The following ADD3 variants were observed in gnomAD, a reference collection of about 807,000 sequenced individuals.
ADD3 encodes the protein adducin 3.
A neutral mutation model predicts 80.2 loss-of-function variants in ADD3; 25 were observed. The ratio of observed to expected loss-of-function variants is 0.31; its 90% CI spans 0.23 to 0.44. ADD3 has a LOEUF of 0.44. Ranked by LOEUF, ADD3 falls within the 20% of genes least tolerant of loss-of-function variation. The pLI, the probability that ADD3 is intolerant of heterozygous loss-of-function variation, is 1.00. For missense variants in ADD3, 829 were observed against 847.5 expected (o/e 0.98, Z 0.27); for synonymous variants, 284 against 289.6 (o/e 0.98, Z 0.20).
intron 10 of ADD3, among the ~76,000 whole-genome samples, chr10:110,124,972 T>C (rs552769464): frequency 2.6e-5 from 4 of 152,182 alleles, no homozygotes; most frequent in Non-Finnish European, 5.9e-5. Flanking sequence ...TTGGTGTATT[T>C]TATATGTGGC....
chr10:110,078,069 C>A (rs1206450450), intron 1 of ADD3, among the ~76,000 whole-genome samples: 1 of 152,164 alleles, frequency 6.6e-6, no homozygotes, highest in Admixed American at 6.5e-5. Flanking sequence ...ATTGTGTCAT[C>A]CTTTTTGAAC....
intron 11 of ADD3, 25 bp from the exon 12 acceptor site, chr10:110,126,392 T>C (rs1852163525): frequency 1.3e-6 from 2 of 1,590,198 alleles, no homozygotes; most frequent in South Asian, 1.1e-5. Context: ...TCAAGAACTT[T>C]ATATTGAATT....
At chr10:110,046,377 A>T (rs1205274398) in intron 1 of ADD3, among the ~76,000 whole-genome samples, 1 of 151,808 alleles carries the variant, frequency 6.6e-6, no homozygotes, top group East Asian at 1.9e-4. Context: ...TCCAGTCAAT[A>T]GTAGGCTATT....
In ADD3 at chr10:110,084,761, G is replaced by T. The variant is rs1318448493; in HGVS notation, c.-29-15864G>T. On this transcript the variant is annotated intron_variant, in intron 1 of 14. Coordinates refer to ENST00000356080, the MANE Select transcript of ADD3 (RefSeq NM_016824.5). ...GGGAAAACAACTCCTCTTGTTGGAA[G>T]AGTTCTTATTTATATTTACAAAGCA... Among the ~76,000 whole-genome samples the T allele has an allele frequency of 1.3e-5, 2 of 152,158 alleles. 1 individual carries two copies. Among genetic ancestry groups the T allele is most frequent in the Admixed American group, 1.3e-4 (2 of 15,278 alleles).
intron 1 of ADD3, among the ~76,000 whole-genome samples, chr10:110,044,854 ATG>A (rs1356295106): frequency 6.6e-6 from 1 of 152,228 alleles, no homozygotes; most frequent in Admixed American, 6.5e-5. Flanking sequence ...TAGTAAAACT[ATG>A]TGTATAACTA....
intron 1 of ADD3, among the ~76,000 whole-genome samples, chr10:110,013,503 T>C (rs1852571336): frequency 6.6e-6 from 1 of 152,092 alleles, no homozygotes; most frequent in Admixed American, 6.6e-5. Flanking sequence ...AGCTAGGAGG[T>C]AAAAACACTT....
chr10:110,112,640 T>G, intron 2 of ADD3, 137 bp from the exon 3 acceptor site: 1 of 999,846 alleles, frequency 1.0e-6, no homozygotes, highest in Non-Finnish European at 1.4e-6. Flanking sequence ...TATTATTTTG[T>G]GTTTTATATT....
At chr10:110,017,745 G>A (rs1488284466) in intron 1 of ADD3, among the ~76,000 whole-genome samples, 1 of 152,120 alleles carries the variant, frequency 6.6e-6, no homozygotes, top group African/African-American at 2.4e-5. Context: ...AGTACGTTCT[G>A]TATACTGAAT....
At chr10:110,088,272 A>G (rs529378039) in intron 1 of ADD3, among the ~76,000 whole-genome samples, 18 of 152,312 alleles carry the variant, frequency 1.2e-4, no homozygotes, top group African/African-American at 3.1e-4. Context: ...CTGAATGTCA[A>G]TCTTTAGATC....
upstream of ADD3, chr10:110,007,870 GC>G (rs1242201972): frequency 2.0e-5 from 3 of 148,520 alleles, no homozygotes; most frequent in Non-Finnish European, 4.5e-5. Context: ...GGCGTAGGGG[GC>G]TGCGAGGGGC....
chr10:110,067,275 G>A (rs1844071408), intron 1 of ADD3, among the ~76,000 whole-genome samples: 1 of 152,192 alleles, frequency 6.6e-6, no homozygotes, highest in Non-Finnish European at 1.5e-5. Flanking sequence ...GCACCTGGAA[G>A]AAAGCCTTTC....
At chr10:110,052,984 C>T (rs1465557777) in intron 1 of ADD3, among the ~76,000 whole-genome samples, 1 of 151,986 alleles carries the variant, frequency 6.6e-6, no homozygotes, top group Admixed American at 6.6e-5. Flanking sequence ...CTGAGGTGGG[C>T]AAAATACCTG....
chr10:110,081,707 A>T (rs1222449743), intron 1 of ADD3, among the ~76,000 whole-genome samples: 1 of 152,164 alleles, frequency 6.6e-6, no homozygotes, highest in Non-Finnish European at 1.5e-5. Context: ...ATTGTGCTTC[A>T]CCTATTATGA....
At chr10:110,020,001 G>A (rs896084777) in intron 1 of ADD3, among the ~76,000 whole-genome samples, 1 of 152,198 alleles carries the variant, frequency 6.6e-6, no homozygotes, top group African/African-American at 2.4e-5. Context: ...CGTGAAATGA[G>A]CAAGGATAGC....
intron 1 of ADD3, among the ~76,000 whole-genome samples, chr10:110,031,923 T>A (rs1855082391): frequency 6.6e-6 from 1 of 151,720 alleles, no homozygotes; most frequent in South Asian, 2.1e-4. Context: ...TTTTTTGTGA[T>A]AACATTTAAA....
chr10:110,088,925 A>G (rs762639623), intron 1 of ADD3, among the ~76,000 whole-genome samples: 24 of 152,204 alleles, frequency 1.6e-4, no homozygotes, highest in Non-Finnish European at 2.8e-4. Flanking sequence ...AGCCTTTTCA[A>G]TGCATATTTA....
At chr10:110,086,261 T>C (rs994157619) in intron 1 of ADD3, among the ~76,000 whole-genome samples, 1 of 151,870 alleles carries the variant, frequency 6.6e-6, no homozygotes, top group South Asian at 2.1e-4. Context: ...TATACAAAAA[T>C]TACCTGGGCA....
intron 1 of ADD3, among the ~76,000 whole-genome samples, chr10:110,020,095 G>A (rs1366849289): frequency 1.3e-5 from 2 of 152,180 alleles, no homozygotes; most frequent in East Asian, 3.8e-4. Context: ...TTTATTAGAT[G>A]TAGTAATATT....
intron 1 of ADD3, among the ~76,000 whole-genome samples, chr10:110,090,682 A>G (rs898697732): frequency 5.3e-5 from 8 of 152,328 alleles, no homozygotes; most frequent in African/African-American, 1.7e-4. Context: ...TTGTAAAACA[A>G]AATTTGAAAC....
Sources: allele counts gnomAD v4.1 joint callset (sites outside exome capture counted in the v4.1 genomes callset), GRCh38; gene constraint gnomAD v4.1.1; transcripts MANE v1.5; gene names NCBI Gene and HGNC (gene_info 2026-07-23, HGNC 2026-07-21).